Variants in CTU1 observed in about 807,000 individuals in gnomAD.
CTU1 encodes the protein cytosolic thiouridylase subunit 1, also known as cytoplasmic tRNA 2-thiolation protein 1.
CTU1 carries 15 observed loss-of-function variants against 12.9 expected under a neutral mutation model. That is an observed-to-expected ratio of 1.16 (90% CI 0.78 to 1.79). The LOEUF is 1.79. Ranked by LOEUF, CTU1 falls within the 40% of genes most tolerant of loss-of-function variation. CTU1 has a pLI of 0.00. For missense variants in CTU1, 553 were observed against 550.5 expected (o/e 1.00, Z -0.05); for synonymous variants, 295 against 275.6 (o/e 1.07, Z -0.70).
At chr19:51,107,741 T>G (rs2569431) in intron 1 of CTU1, among the ~76,000 whole-genome samples, 50,398 of 151,884 alleles carry the variant, frequency 0.33, 12,051 homozygotes, top group African/African-American at 0.66. Context: ...TTTTGTGAGG[T>G]GAGAAGACCA....
In CTU1 at chr19:51,104,462, G is replaced by A. The variant is rs1380496512; in HGVS notation, c.108C>T (p.Ala36=). 7.7e-7 allele frequency: 1 copy of A among 1,303,608 alleles called. No individual in the cohort carries two copies. Among genetic ancestry groups the A allele is most frequent in the Non-Finnish European group, 9.7e-7 (1 of 1,026,630 alleles). The allele number at this position is 1,303,608 out of a possible 1,614,324, so 80.8% of individuals were successfully genotyped here. A position where few individuals can be genotyped will look rare whatever the true frequency, so the allele number is the denominator to read the frequency against. ...CGACFCAAFE[A]EVLHTVLAGR... ...CGGCGAGCACCGTGTGCAGCACCTC[G>A]GCCTCGAAGGCGGCGCAGAAGCAGG... Residue 36 remains alanine (A), a synonymous_variant, in exon 2 of 3, where the codon GCC becomes GCT. Coordinates refer to ENST00000421832, the MANE Select transcript of CTU1 (RefSeq NM_145232.4).
chr19:51,101,750 G>A (rs1284578235), intron 2 of CTU1, among the ~76,000 whole-genome samples: 1 of 152,148 alleles, frequency 6.6e-6, no homozygotes, highest in South Asian at 2.1e-4. Flanking sequence ...TTGACTTAAA[G>A]TTGTAAACCA....
intron 2 of CTU1, among the ~76,000 whole-genome samples, chr19:51,100,934 C>CGTGTGTGTGTGT (rs71185800): frequency 2.1e-5 from 3 of 145,452 alleles, no homozygotes; most frequent in Non-Finnish European, 4.5e-5. Flanking sequence ...TTTTATTGTG[C>CGTGTGTGTGTGT]GTGTGTGTGT....
intron 2 of CTU1, among the ~76,000 whole-genome samples, chr19:51,103,488 G>C (rs1296492910): frequency 6.6e-6 from 1 of 151,482 alleles, no homozygotes; most frequent in Non-Finnish European, 1.5e-5. Context: ...GGGAGGCTGA[G>C]CCAGGAGAAT....
In CTU1 at chr19:51,108,167, C is replaced by A. The variant is rs950275693; in HGVS notation, c.-22+180G>T. On this transcript the variant is annotated intron_variant, in intron 1 of 2. Coordinates refer to ENST00000421832, the MANE Select transcript of CTU1 (RefSeq NM_145232.4). This position sits in a 1 kb window ranked among gnomAD's most constrained non-coding sequence, Gnocchi z 4.5. Reference sequence around the variant, plus strand: ...TCCTGTCTTGGGGAAGGGAGTGGCCCGGTAAGAGACAGGCCGGACCGCAGC... The same window carrying A: ...TCCTGTCTTGGGGAAGGGAGTGGCCAGGTAAGAGACAGGCCGGACCGCAGC... Among the ~76,000 whole-genome samples the A allele has an allele frequency of 6.6e-6, 1 of 151,934 alleles. No homozygotes were observed. The highest frequency in any genetic ancestry group is 2.4e-5 in the African/African-American group (1 of 41,324).
chr19:51,104,688 T>C (rs899164138), intron 1 of CTU1, 98 bp from the exon 2 acceptor site: 1 of 973,836 alleles, frequency 1.0e-6, no homozygotes, highest in Non-Finnish European at 1.3e-6. Context: ...CTGCCCGGAA[T>C]AGACCAGGGA....
At chr19:51,105,710 T>G (rs1363394367) in intron 1 of CTU1, among the ~76,000 whole-genome samples, 1 of 152,230 alleles carries the variant, frequency 6.6e-6, no homozygotes, top group Non-Finnish European at 1.5e-5. Context: ...CTGATTCTTC[T>G]AACCCAGCGT....
chr19:51,104,407 C>A lies in CTU1; in HGVS notation c.163G>T (p.Ala55Ser). 8.0e-7 allele frequency: 1 copy of A among 1,253,362 alleles called. No homozygotes were observed. Among genetic ancestry groups the A allele is most frequent in the South Asian group, 2.1e-5 (1 of 48,530 alleles). 77.6% of individuals were successfully genotyped at this position (1,253,362 alleles called of 1,614,324 possible). The part of the protein sequence containing the change: ...GRLLPPGAVV[A>S]VGASGGKDST... ...TCCTTGCCGCCCGAGGCGCCCACGGCCACCACCGCGCCGGGCGGCAGCAGG... is the reference window on the plus strand; with the variant it reads ...TCCTTGCCGCCCGAGGCGCCCACGGACACCACCGCGCCGGGCGGCAGCAGG... The change falls in exon 2 of 3, where the codon GCC (alanine) becomes TCC (serine). Residue 55 changes from alanine (A) to serine (S), a missense_variant. By Grantham distance (99) the Ala-to-Ser change is moderately conservative. Around this residue, in one of 2 missense-constraint regions of CTU1, gnomAD observed 500 missense variants for 458.5 expected, o/e 1.09. Transcript: ENST00000421832.
At position 51,104,382 on chromosome 19, in the gene CTU1, T is replaced by A; in HGVS notation, c.188A>T (p.Asp63Val). The A allele has an allele frequency of 7.5e-7, 1 of 1,324,630 alleles. No homozygotes were observed. The highest frequency in any genetic ancestry group is 9.6e-7 in the Non-Finnish European group (1 of 1,039,048). 82.1% of individuals were successfully genotyped at this position (1,324,630 alleles called of 1,614,324 possible). ...VVAVGASGGK[D>V]STVLAHVLRA... ...CAGCACGTGCGCCAGCACCGTGGAG[T>A]CCTTGCCGCCCGAGGCGCCCACGGC... is the stretch of plus-strand genomic sequence containing the variant. Residue 63 changes from aspartate (D) to valine (V), a missense_variant, in exon 2 of 3, where the codon GAC becomes GTC. Asp to Val is a radical substitution (Grantham distance 152). Transcript: ENST00000421832.
intron 2 of CTU1, among the ~76,000 whole-genome samples, chr19:51,101,525 A>T (rs539264568): frequency 6.6e-6 from 1 of 152,170 alleles, no homozygotes; most frequent in Non-Finnish European, 1.5e-5. Context: ...CTAAAATCCT[A>T]TAACACAGAG....
chr19:51,100,036 G>C (rs1436445381), intron 2 of CTU1, among the ~76,000 whole-genome samples: 1 of 152,046 alleles, frequency 6.6e-6, no homozygotes, highest in Non-Finnish European at 1.5e-5. Context: ...GGGAGGGGAA[G>C]CCTGAGCCAT....
At chr19:51,104,849 C>A (rs1405091777) in intron 1 of CTU1, among the ~76,000 whole-genome samples, 2 of 152,276 alleles carry the variant, frequency 1.3e-5, no homozygotes, top group East Asian at 3.9e-4. Flanking sequence ...AAGCTGGCTT[C>A]ATGGGTAAAG....
chr19:51,098,627 CG>C lies in CTU1; in HGVS notation c.1020del (p.Ala341ProfsTer18), dbSNP rs1555794099. Reference sequence around the variant, plus strand: ...TAGAAGGTGGGGACGGCCTTGGAGGCGGGGGGCCGGGCCGGATCCCCGGGCG... The same window carrying C: ...TAGAAGGTGGGGACGGCCTTGGAGGCGGGGGCCGGGCCGGATCCCCGGGCG... ...PGTPGDPARPPASKAVPTF is the reference protein window; with the variant it reads ...PGTPGDPARPXASKAVPTF On this transcript the variant is annotated frameshift_variant, in exon 3 of 3. Coordinates refer to ENST00000421832, the MANE Select transcript of CTU1 (RefSeq NM_145232.4). LOFTEE classifies it low-confidence loss of function (END_TRUNC). The surrounding 1 kb of genome is among the most constrained non-coding windows in gnomAD (Gnocchi z 4.3). The C allele has an allele frequency of 1.5e-5, 20 of 1,307,830 alleles. No homozygotes were observed. The highest frequency in any genetic ancestry group is 6.1e-5 in the South Asian group (3 of 49,084). 81.0% of individuals were successfully genotyped at this position (1,307,830 alleles called of 1,614,324 possible).
Position 51,104,484 on chromosome 19 carries a change from CA to C in CTU1, c.85del (p.Cys29AlafsTer140). The C allele has an allele frequency of 7.6e-7, 1 of 1,319,028 alleles. No homozygotes were observed. Among genetic ancestry groups the C allele is most frequent in the Non-Finnish European group, 9.6e-7 (1 of 1,036,676 alleles). 81.7% of individuals were successfully genotyped at this position (1,319,028 alleles called of 1,614,324 possible). On this transcript the variant is annotated frameshift_variant, in exon 2 of 3. Transcript: ENST00000421832. LOFTEE classifies it high-confidence loss of function. ...PLSGQALCGA[C>X]FCAAFEAEVL... is the part of the protein sequence containing the mutation. Reference sequence around the variant, plus strand: ...CTCGGCCTCGAAGGCGGCGCAGAAGCAGGCACCGCACAGCGCTTGGCCCGAG... The same window carrying C: ...CTCGGCCTCGAAGGCGGCGCAGAAGCGGCACCGCACAGCGCTTGGCCCGAG...
intron 2 of CTU1, among the ~76,000 whole-genome samples, chr19:51,102,212 C>T (rs2091908874): frequency 6.6e-6 from 1 of 152,188 alleles, no homozygotes; most frequent in African/African-American, 2.4e-5. Context: ...CCATGTTGGC[C>T]AGGCTGGCCT....
At position 51,104,273 on chromosome 19, in the gene CTU1, C is replaced by T; in HGVS notation, c.297G>A (p.Leu99=). 1 of 1,503,458 alleles carries T rather than the reference C, an allele frequency of 6.7e-7. No homozygotes were observed. The highest frequency in any genetic ancestry group is 2.1e-5 in the Admixed American group (1 of 47,542). The allele number at this position is 1,503,458 out of a possible 1,614,324, so 93.1% of individuals were successfully genotyped here. Residue 99 remains leucine (L), a synonymous_variant, in exon 2 of 3, where the codon TTG becomes TTA. Coordinates refer to ENST00000421832, the MANE Select transcript of CTU1 (RefSeq NM_145232.4). ...GCGCCGCCTGGCGCCGCACGGCCGC[C>T]AACGCCGCGTCCCGGTAGCCACCGA... The part of the protein sequence containing the change: ...EGIGGYRDAA[L]AAVRRQAARW...
intron 1 of CTU1, 24 bp from the exon 2 acceptor site, chr19:51,104,614 G>A: frequency 8.1e-7 from 1 of 1,230,134 alleles, no homozygotes; most frequent in Non-Finnish European, 1.0e-6. Context: ...GAGAGGAGGT[G>A]GGTTACATAT....
At chr19:51,106,796 G>A (rs11878570) in intron 1 of CTU1, among the ~76,000 whole-genome samples, 4,487 of 152,090 alleles carry the variant, frequency 0.03, 204 homozygotes, top group African/African-American at 0.1. Flanking sequence ...GGGATTACAG[G>A]CGTAAGCCAC....
rs2091914740 is a variant in CTU1 at position 51,104,369 on chromosome 19, C to T, written c.201G>A (p.Leu67=). The change falls in exon 2 of 3, where the codon CTG becomes CTA. Residue 67 remains leucine (L), a synonymous_variant. Coordinates refer to ENST00000421832, the MANE Select transcript of CTU1 (RefSeq NM_145232.4). ...GCGCCAGCGCGCGCAGCACGTGCGCCAGCACCGTGGAGTCCTTGCCGCCCG... is the reference window on the plus strand; with the variant it reads ...GCGCCAGCGCGCGCAGCACGTGCGCTAGCACCGTGGAGTCCTTGCCGCCCG... ...GASGGKDSTV[L]AHVLRALAPR... 4 of 1,399,662 alleles carry T rather than the reference C, an allele frequency of 2.9e-6. No individual in the cohort carries two copies. Among genetic ancestry groups the T allele is most frequent in the Non-Finnish European group, 9.2e-7 (1 of 1,082,680 alleles). The allele number at this position is 1,399,662 out of a possible 1,614,324, so 86.7% of individuals were successfully genotyped here. A position where few individuals can be genotyped will look rare whatever the true frequency, so the allele number is the denominator to read the frequency against.
Sources: allele counts gnomAD v4.1 joint callset (sites outside exome capture counted in the v4.1 genomes callset), GRCh38; gene constraint gnomAD v4.1.1; regional missense constraint gnomAD v4.1.1; non-coding constraint Gnocchi (gnomAD v3.1); transcripts MANE v1.5; gene names NCBI Gene and HGNC (gene_info 2026-07-23, HGNC 2026-07-21).